The following COL12A1 variants were observed in gnomAD, a reference collection of about 807,000 sequenced individuals.
The protein encoded by COL12A1 is collagen type XII alpha 1 chain.
Under a neutral mutation model 349.7 loss-of-function variants are expected in COL12A1, and 114 were observed. That is an observed-to-expected ratio of 0.33 (90% CI 0.28 to 0.38). The LOEUF (loss-of-function observed/expected upper bound fraction) is 0.38, where lower values mean the gene tolerates loss of function less well. Among genes scored for constraint, COL12A1 ranks in the 10% least tolerant of loss-of-function variants. The probability of loss-of-function intolerance (pLI) is 1.00; values close to 1 mark genes in which losing one functional copy is unlikely to be tolerated. For missense variants in COL12A1, 3,284 were observed against 3,756.9 expected (o/e 0.87, Z 3.29); for synonymous variants, 1,369 against 1,329.0 (o/e 1.03, Z -0.66).
chr6:75,096,941 GAACCACCGAGGTTATAA>G (rs1768069409), intron 59 of COL12A1, among the ~76,000 whole-genome samples: 1 of 144,872 alleles, frequency 6.9e-6, no homozygotes, highest in South Asian at 2.2e-4. Flanking sequence ...GGAAATAACC[GAACCACCGAGGTTATAA>G]AACCCAACCA....
chr6:75,183,191 A>G lies in COL12A1; in HGVS notation c.1750T>C (p.Leu584=), dbSNP rs936658672. The change falls in exon 10 of 66, where the codon TTG becomes CTG. Residue 584 remains leucine (L), a synonymous_variant. Transcript: ENST00000322507. ...GCAGGAGGAGAGGCAATAGCTTCCAATTCTGAGCGAACGGCATCCTTCACA... is the reference window on the plus strand; with the variant it reads ...GCAGGAGGAGAGGCAATAGCTTCCAGTTCTGAGCGAACGGCATCCTTCACA... ...VGVKDAVRSE[L]EAIASPPAET... 2.5e-6 allele frequency: 4 copies of G among 1,614,192 alleles called. No individual in the cohort carries two copies. Among genetic ancestry groups the G allele is most frequent in the Admixed American group, 1.7e-5 (1 of 60,008 alleles).
At chr6:75,148,300 ATG>A in intron 22 of COL12A1, 56 bp downstream of exon 22, 1 of 1,550,182 alleles carries the variant, frequency 6.5e-7, no homozygotes, top group Non-Finnish European at 8.8e-7. Flanking sequence ...CAGAGTCCTA[ATG>A]AGGAGGACCC....
In COL12A1 at chr6:75,117,564, T is replaced by G; in HGVS notation, c.7355-18A>C. The G allele has an allele frequency of 1.2e-6, 2 of 1,605,480 alleles. No individual in the cohort carries two copies. The highest frequency in any genetic ancestry group is 1.7e-6 in the Non-Finnish European group (2 of 1,173,610). ...ACTGAACCCTGCAAAGTAGCATTTATAGAATGAATCACGTATCTCTTTTTC... is the reference window on the plus strand; with the variant it reads ...ACTGAACCCTGCAAAGTAGCATTTAGAGAATGAATCACGTATCTCTTTTTC... On this transcript the variant is annotated intron_variant, in intron 46 of 65. Transcript: ENST00000322507.
In COL12A1 at chr6:75,087,649, G is replaced by T. The variant is rs201412621; in HGVS notation, c.9109C>A (p.Pro3037Thr). ...TCACAGTATCCAGGAGGACCTGGGG[G>T]TCCTCGGATACCTGAGTTTCCAGGA... ...GRPGNSGIRG[P>T]PGPPGYCDSS... Residue 3037 changes from proline to threonine, a missense_variant, in exon 65 of 66, where the codon CCC (proline) becomes ACC (threonine). By Grantham distance (38) the Pro-to-Thr change is conservative (BLOSUM62 -1). Coordinates refer to ENST00000322507, the MANE Select transcript of COL12A1 (RefSeq NM_004370.6). The T allele has an allele frequency of 2.5e-6, 4 of 1,612,022 alleles. No individual in the cohort carries two copies. Among genetic ancestry groups the T allele is most frequent in the Non-Finnish European group, 2.5e-6 (3 of 1,179,288 alleles).
chr6:75,130,777 A>G, intron 36 of COL12A1, 75 bp downstream of exon 36: 1 of 1,576,558 alleles, frequency 6.3e-7, no homozygotes, highest in South Asian at 1.1e-5. Flanking sequence ...CCCCCCTCCC[A>G]CCACTCATTC....
chr6:75,161,610 C>T (rs982287166), intron 14 of COL12A1, among the ~76,000 whole-genome samples: 33 of 152,158 alleles, frequency 2.2e-4, no homozygotes, highest in African/African-American at 7.5e-4. Flanking sequence ...CAAGGATGCC[C>T]TCTCTCACTA....
Position 75,148,345 on chromosome 6 carries a change from T to C in COL12A1, c.4287+13A>G. 1 of 1,609,360 alleles carries C rather than the reference T, an allele frequency of 6.2e-7. No homozygotes were observed. Among genetic ancestry groups the C allele is most frequent in the Non-Finnish European group, 8.5e-7 (1 of 1,177,600 alleles). On this transcript the variant is annotated intron_variant, in intron 22 of 65. Coordinates refer to ENST00000322507, the MANE Select transcript of COL12A1 (RefSeq NM_004370.6). Reference sequence around the variant, plus strand: ...ACATCAGGAAGAAGTAAGTTATAGGTGTTCCTACTCACTTCTTGACGTTTC... The same window carrying C: ...ACATCAGGAAGAAGTAAGTTATAGGCGTTCCTACTCACTTCTTGACGTTTC...
chr6:75,175,109 G>A lies in COL12A1; in HGVS notation c.2639C>T (p.Ala880Val), dbSNP rs267601123. ...LQGLKEGTQYALSVTALYASG... is the reference protein window; with the variant it reads ...LQGLKEGTQYVLSVTALYASG... ...CGCATACAAGGCTGTCACAGATAAG[G>A]CGTATTGTGTCCCTTCCTTCAATCC... Residue 880 changes from alanine to valine, a missense_variant, in exon 13 of 66, where the codon GCC becomes GTC. Transcript: ENST00000322507. 7 of 1,614,148 alleles carry A rather than the reference G, an allele frequency of 4.3e-6. No homozygotes were observed. The South Asian group carries it at 7.7e-5, about 18-fold the overall frequency.
Position 75,130,125 on chromosome 6 carries a change from T to C in COL12A1, c.6176A>G (p.Tyr2059Cys). 1 of 1,613,966 alleles carries C rather than the reference T, an allele frequency of 6.2e-7. No homozygotes were observed. The highest frequency in any genetic ancestry group is 1.1e-5 in the South Asian group (1 of 91,046). ...DGPVQQYRII[Y>C]SPTVGDPIDE... Reference sequence around the variant, plus strand: ...AATTGGATCACCAACAGTGGGAGAATAGATGATCCTGTACTGCTGAACTGG... The same window carrying C: ...AATTGGATCACCAACAGTGGGAGAACAGATGATCCTGTACTGCTGAACTGG... The change falls in exon 37 of 66, where the codon TAT becomes TGT. Residue 2059 changes from tyrosine to cysteine, a missense_variant. Tyr to Cys is a radical substitution (Grantham distance 194). This residue lies in a region of COL12A1 where 2,601 missense variants were observed against 2,824.8 expected (regional missense o/e 0.92). Transcript: ENST00000322507.
chr6:75,194,884 G>T lies in COL12A1; in HGVS notation c.137C>A (p.Ala46Glu). 1 of 1,612,374 alleles carries T rather than the reference G, an allele frequency of 6.2e-7. No homozygotes were observed. Among genetic ancestry groups the T allele is most frequent in the Non-Finnish European group, 8.5e-7 (1 of 1,179,088 alleles). Reference sequence around the variant, plus strand: ...ACCCACAATTGGATCAACTGGTTTTGCCCATGACATATGAACAGTATTTTC... The same window carrying T: ...ACCCACAATTGGATCAACTGGTTTTTCCCATGACATATGAACAGTATTTTC... ...IDENTVHMSW[A>E]KPVDPIVGYR... The change falls in exon 3 of 66, where the codon GCA (alanine) becomes GAA (glutamate). Residue 46 changes from alanine (A) to glutamate (E), a missense_variant. By Grantham distance (107) the Ala-to-Glu change is moderately radical (BLOSUM62 -1). This residue lies in a region of COL12A1 where 2,601 missense variants were observed against 2,824.8 expected (regional missense o/e 0.92). Transcript: ENST00000322507.
intron 13 of COL12A1, among the ~76,000 whole-genome samples, chr6:75,172,047 T>G (rs982278336): frequency 1.8e-4 from 28 of 152,256 alleles, no homozygotes; most frequent in Non-Finnish European, 7.3e-5. Flanking sequence ...GCTTTCCTTC[T>G]TCTCAGGAAA....
rs1019937475 is a variant in COL12A1 at position 75,195,084 on chromosome 6, T to A, written c.74-137A>T. The A allele has an allele frequency of 1.5e-5, 8 of 536,136 alleles. No homozygotes were observed. The African/African-American group carries it at 1.6e-4, about 10-fold the overall frequency. 33.2% of individuals were successfully genotyped at this position (536,136 alleles called of 1,614,324 possible). A position where few individuals can be genotyped will look rare whatever the true frequency, so the allele number is the denominator to read the frequency against. ...TTGTTTCCAACAAATATAAAAGATA[T>A]GTTGTTGGATAAGAATAAAACTAAA... On this transcript the variant is annotated intron_variant, in intron 2 of 65. Transcript: ENST00000322507.
At position 75,106,485 on chromosome 6, in the gene COL12A1, C is replaced by A. The variant is rs1330148473; in HGVS notation, c.8112G>T (p.Gln2704His). The change falls in exon 53 of 66, where the codon CAG (glutamine) becomes CAT (histidine). Residue 2704 changes from glutamine (Q) to histidine (H), a missense_variant. Physicochemically the swap from Gln to His is conservative, Grantham distance 24. Transcript: ENST00000322507. Reference protein sequence around the residue: ...GERKSAAFQIQSFDIVCSPVW... With the variant: ...GERKSAAFQIHSFDIVCSPVW... ...CTGGACTGCAGACAATGTCAAAACT[C>A]TGGATTTGGAACTGCAAACAACCAA... 6.2e-7 allele frequency: 1 copy of A among 1,613,770 alleles called. No individual in the cohort carries two copies. Among genetic ancestry groups the A allele is most frequent in the African/African-American group, 1.3e-5 (1 of 74,898 alleles).
intron 17 of COL12A1, 107 bp downstream of exon 17, chr6:75,154,309 A>C: frequency 8.0e-7 from 1 of 1,253,698 alleles, no homozygotes; most frequent in Non-Finnish European, 1.1e-6. Flanking sequence ...AATAAATTTT[A>C]GTGTAAAATT....
At chr6:75,115,248 A>T (rs990182044) in intron 49 of COL12A1, among the ~76,000 whole-genome samples, 4 of 152,056 alleles carry the variant, frequency 2.6e-5, no homozygotes, top group African/African-American at 9.7e-5. Context: ...TGAATAAGAA[A>T]TACAGAGTTC....
chr6:75,098,518 G>A (rs1377245692), intron 58 of COL12A1, among the ~76,000 whole-genome samples: 1 of 152,174 alleles, frequency 6.6e-6, no homozygotes, highest in African/African-American at 2.4e-5. Context: ...AAGTAGCCAA[G>A]CATGGTGGCA....
Position 75,148,510 on chromosome 6 carries a change from A to G in COL12A1, c.4148-13T>C. 6.2e-7 allele frequency: 1 copy of G among 1,608,896 alleles called. No homozygotes were observed. Among genetic ancestry groups the G allele is most frequent in the South Asian group, 1.1e-5 (1 of 90,654 alleles). ...GCTTCCAAATCACCTACACATGGAA[A>G]TAAAGGGTATACACTTTTCTCATTA... On this transcript the variant is annotated splice_polypyrimidine_tract_variant and intron_variant, in intron 21 of 65. Transcript: ENST00000322507.
intron 47 of COL12A1, 99 bp downstream of exon 47, chr6:75,117,283 T>C (rs1769128140): frequency 8.2e-7 from 1 of 1,212,218 alleles, no homozygotes; most frequent in Non-Finnish European, 1.2e-6. Flanking sequence ...AGGATCTATT[T>C]ATGCACAGAC....
At chr6:75,169,467 C>A (rs1768510003) in intron 13 of COL12A1, among the ~76,000 whole-genome samples, 1 of 152,130 alleles carries the variant, frequency 6.6e-6, no homozygotes, top group Non-Finnish European at 1.5e-5. Context: ...GACTTTTTGC[C>A]ATGTAGTCAC....
Sources: gnomAD v4.1 joint callset for allele counts (sites outside exome capture counted in the v4.1 genomes callset) on GRCh38, gnomAD v4.1.1 for gene constraint, gnomAD v4.1.1 regional missense constraint, MANE v1.5 for transcripts, NCBI Gene and HGNC (gene_info 2026-07-23, HGNC 2026-07-21) for gene names.